ENOX1: variants seen among roughly 807,000 people sequenced by gnomAD.
ENOX1 encodes the protein ecto-NOX disulfide-thiol exchanger 1.
A neutral mutation model predicts 82.5 loss-of-function variants in ENOX1; 42 were observed. The ratio of observed to expected loss-of-function variants is 0.51; its 90% CI spans 0.40 to 0.66. The LOEUF is 0.66. Ranked by LOEUF, ENOX1 falls within the 30% of genes least tolerant of loss-of-function variation. The probability of loss-of-function intolerance (pLI) is 0.00; values close to 1 mark genes in which losing one functional copy is unlikely to be tolerated. For synonymous variants in ENOX1, 271 were observed against 282.2 expected (o/e 0.96, Z 0.40); for missense variants, 608 against 811.6 (o/e 0.75, Z 3.05).
intron 1 of ENOX1, among the ~76,000 whole-genome samples, chr13:43,669,370 C>G (rs538349737): frequency 1.3e-5 from 2 of 152,244 alleles, no homozygotes; most frequent in African/African-American, 4.8e-5. Context: ...CTCCTTCCCC[C>G]TCACTTATTC....
At chr13:43,323,925 T>C (rs909976960) in intron 10 of ENOX1, among the ~76,000 whole-genome samples, 5 of 152,170 alleles carry the variant, frequency 3.3e-5, no homozygotes, top group Admixed American at 6.5e-5. Context: ...AATGGTCAAC[T>C]CTGTACCCTG....
At chr13:43,437,915 A>G (rs1049561284) in intron 3 of ENOX1, among the ~76,000 whole-genome samples, 7 of 152,212 alleles carry the variant, frequency 4.6e-5, no homozygotes, top group Non-Finnish European at 1.0e-4. Context: ...ATTAACTTTG[A>G]AGGTAATTTT....
intron 3 of ENOX1, among the ~76,000 whole-genome samples, chr13:43,420,542 G>C (rs2054913574): frequency 6.6e-6 from 1 of 152,160 alleles, no homozygotes; most frequent in Non-Finnish European, 1.5e-5. Context: ...CAAGTTTAGG[G>C]GCAGAGTAGG....
In ENOX1 at chr13:43,640,919, TACAC is replaced by T. The variant is rs55732866; in HGVS notation, c.-219+26556_-219+26559del. Among the ~76,000 whole-genome samples the T allele has an allele frequency of 5.4e-4, 81 of 150,356 alleles. 1 individual carries two copies. The highest frequency in any genetic ancestry group is 4.0e-4 in the Admixed American group (6 of 15,092). ...ACGTACACACACACGCACGCACACA[TACAC>T]ACACACACACACACGTAACCTACAG... On this transcript the variant is annotated intron_variant, in intron 2 of 16. Transcript: ENST00000690772.
intron 3 of ENOX1, among the ~76,000 whole-genome samples, chr13:43,416,335 C>T: frequency 6.7e-6 from 1 of 148,710 alleles, no homozygotes; most frequent in African/African-American, 2.5e-5. Flanking sequence ...CAGAGGCGCT[C>T]CTCAGTTCCC....
chr13:43,268,750 A>C (rs759884126), intron 13 of ENOX1, among the ~76,000 whole-genome samples: 19 of 152,214 alleles, frequency 1.2e-4, no homozygotes, highest in Non-Finnish European at 2.5e-4. Context: ...AACTGTATGC[A>C]ACTTTTTCCT....
At chr13:43,356,678 C>T (rs187238452) in intron 7 of ENOX1, among the ~76,000 whole-genome samples, 1 of 152,196 alleles carries the variant, frequency 6.6e-6, no homozygotes, top group African/African-American at 2.4e-5. Context: ...TGCTACATTC[C>T]CCCAGAAAAT....
intron 12 of ENOX1, among the ~76,000 whole-genome samples, chr13:43,286,294 TAAGAA>T (rs953669745): frequency 5.9e-5 from 9 of 152,252 alleles, no homozygotes; most frequent in African/African-American, 1.7e-4. Flanking sequence ...GTATTACATT[TAAGAA>T]AAGATCCATT....
chr13:43,376,424 C>T lies in ENOX1; in HGVS notation c.209-14972G>A, dbSNP rs145056711. 1.4e-4 allele frequency among the ~76,000 whole-genome samples: 21 copies of T among 152,280 alleles called. No individual in the cohort carries two copies. The East Asian group carries it at 3.9e-3, about 28-fold the overall frequency. On this transcript the variant is annotated intron_variant, in intron 5 of 16. Transcript: ENST00000690772. The stretch of plus-strand genomic sequence containing the variant: ...AACAAAGATTGCTATAATACACTCA[C>T]TAAATACTCACCATCATCAAGTTAC...
intron 12 of ENOX1, among the ~76,000 whole-genome samples, chr13:43,294,085 A>G (rs1257115939): frequency 6.6e-6 from 1 of 152,136 alleles, no homozygotes; most frequent in African/African-American, 2.4e-5. Flanking sequence ...ACTAATGTCA[A>G]GCTAAGAGTG....
chr13:43,779,952 C>T (rs958256358), intron 1 of ENOX1, among the ~76,000 whole-genome samples: 9 of 152,198 alleles, frequency 5.9e-5, no homozygotes, highest in African/African-American at 1.4e-4. Flanking sequence ...GTCAGGAGAT[C>T]GAGACCATCC....
At position 43,417,214 on chromosome 13, in the gene ENOX1, C is replaced by T. The variant is rs554338497; in HGVS notation, c.-74-4226G>A. 3.1e-3 allele frequency among the ~76,000 whole-genome samples: 261 copies of T among 85,454 alleles called. 1 individual carries two copies. The highest frequency in any genetic ancestry group is 4.2e-3 in the Non-Finnish European group (209 of 49,424). 56.1% of individuals were successfully genotyped at this position (85,454 alleles called of 152,430 possible). A position where few individuals can be genotyped will look rare whatever the true frequency, so the allele number is the denominator to read the frequency against. ...ACAGAGGGAGACGGGAGACGGGAGA[C>T]GGGAGACGGGAGACGGGAGACGGGA... On this transcript the variant is annotated intron_variant, in intron 3 of 16. Transcript: ENST00000690772.
intron 11 of ENOX1, among the ~76,000 whole-genome samples, chr13:43,320,577 C>G (rs2047752036): frequency 6.6e-6 from 1 of 152,156 alleles, no homozygotes; most frequent in Non-Finnish European, 1.5e-5. Context: ...CATCATTATT[C>G]TGGTCCTATC....
In ENOX1 at chr13:43,214,085, G is replaced by A. The variant is rs867813060; in HGVS notation, c.1837C>T (p.Leu613=). 1 of 1,613,442 alleles carries A rather than the reference G, an allele frequency of 6.2e-7. No homozygotes were observed. Among genetic ancestry groups the A allele is most frequent in the Non-Finnish European group, 8.5e-7 (1 of 1,179,650 alleles). Residue 613 remains leucine, a synonymous_variant, in exon 17 of 17, where the codon CTG becomes TTG. Coordinates refer to ENST00000690772, the MANE Select transcript of ENOX1 (RefSeq NM_001347969.2). The part of the protein sequence containing the change: ...ANEIEMLLMR[L]PRMFKQEFTG... ...AATTCCTGTTTGAACATGCGTGGCA[G>A]CCTCATCAAAAGCATTTCTATTTCA... is the stretch of plus-strand genomic sequence containing the variant.
At chr13:43,394,543 C>A (rs752331604) in intron 5 of ENOX1, 1 of 152,238 alleles carries the variant, frequency 6.6e-6, no homozygotes, top group Non-Finnish European at 1.5e-5. Context: ...CTGCATTACT[C>A]CGGGGCCCTG....
intron 1 of ENOX1, among the ~76,000 whole-genome samples, chr13:43,781,391 T>G (rs1952248245): frequency 6.6e-6 from 1 of 152,104 alleles, no homozygotes; most frequent in African/African-American, 2.4e-5. Context: ...AATATGAAAA[T>G]TTTCCAGAGG....
chr13:43,584,503 A>C (rs1048626318), intron 2 of ENOX1, among the ~76,000 whole-genome samples: 4 of 152,210 alleles, frequency 2.6e-5, no homozygotes, highest in African/African-American at 9.6e-5. Flanking sequence ...CAGAATATTA[A>C]ACAGAGCAGA....
At chr13:43,473,876 CCTT>C (rs1044247448) in intron 3 of ENOX1, among the ~76,000 whole-genome samples, 5 of 152,076 alleles carry the variant, frequency 3.3e-5, no homozygotes, top group African/African-American at 9.7e-5. Context: ...TTATTCTTCT[CCTT>C]GAGTAAATCC....
rs908479433 is a variant in ENOX1 at position 43,627,782 on chromosome 13, G to T, written c.-219+39697C>A. 5.3e-5 allele frequency among the ~76,000 whole-genome samples: 8 copies of T among 151,826 alleles called. No homozygotes were observed. The East Asian group carries it at 1.5e-3, about 29-fold the overall frequency. On this transcript the variant is annotated intron_variant, in intron 2 of 16. Transcript: ENST00000690772. ...TCTATTTAGAGAACTTTTTCAAATC[G>T]CATTTCTAGGGCAGGTTTAAGGTGA...
Sources: gnomAD v4.1 joint callset for allele counts (sites outside exome capture counted in the v4.1 genomes callset) on GRCh38, gnomAD v4.1.1 for gene constraint, MANE v1.5 for transcripts, NCBI Gene and HGNC (gene_info 2026-07-23, HGNC 2026-07-21) for gene names.